RAB3C: variants seen among roughly 807,000 people sequenced by gnomAD.
RAB3C encodes the protein ras-related protein Rab-3C.
In RAB3C, 17 loss-of-function variants were observed where a neutral mutation model predicts 26.4. The ratio of observed to expected loss-of-function variants is 0.64; its 90% CI spans 0.44 to 0.97. RAB3C has a LOEUF of 0.97. Ranked by LOEUF, RAB3C falls within the 50% of genes least tolerant of loss-of-function variation. The probability of loss-of-function intolerance (pLI) is 0.00; values close to 1 mark genes in which losing one functional copy is unlikely to be tolerated. For synonymous variants in RAB3C, 91 were observed against 95.9 expected (o/e 0.95, Z 0.30); for missense variants, 242 against 281.9 (o/e 0.86, Z 1.01).
At chr5:58,659,610 CAGTT>C (rs897285097) in intron 2 of RAB3C, among the ~76,000 whole-genome samples, 5 of 152,154 alleles carry the variant, frequency 3.3e-5, no homozygotes, top group African/African-American at 1.2e-4. Context: ...ACCAAGAAAA[CAGTT>C]AGTTTTCTAC....
intron 3 of RAB3C, among the ~76,000 whole-genome samples, chr5:58,796,303 T>C (rs989584743): frequency 9.9e-5 from 15 of 152,218 alleles, no homozygotes; most frequent in Admixed American, 4.6e-4. Flanking sequence ...AAACACTATA[T>C]GTAGCATTAG....
chr5:58,813,361 G>A (rs1252476275), intron 3 of RAB3C, among the ~76,000 whole-genome samples: 1 of 151,842 alleles, frequency 6.6e-6, no homozygotes, highest in East Asian at 1.9e-4. Flanking sequence ...GTTTCAGAAG[G>A]TGTTCCTTGC....
intron 3 of RAB3C, among the ~76,000 whole-genome samples, chr5:58,757,551 T>C (rs905001046): frequency 7.9e-5 from 12 of 152,294 alleles, no homozygotes; most frequent in Admixed American, 7.9e-4. Context: ...GAATGTTGCA[T>C]AGGAGATGTT....
intron 4 of RAB3C, among the ~76,000 whole-genome samples, chr5:58,841,091 A>G (rs1255613491): frequency 1.3e-5 from 2 of 152,180 alleles, no homozygotes; most frequent in Admixed American, 1.3e-4. Context: ...TGGGTAGGCC[A>G]CAGCCATGTC....
intron 1 of RAB3C, among the ~76,000 whole-genome samples, chr5:58,612,540 A>G (rs1049960720): frequency 0.012 from 746 of 62,774 alleles, 7 homozygotes; most frequent in African/African-American, 0.024. Context: ...ATATATATAT[A>G]TATATATGTA....
At chr5:58,762,047 T>G (rs1741806694) in intron 3 of RAB3C, among the ~76,000 whole-genome samples, 1 of 138,894 alleles carries the variant, frequency 7.2e-6, no homozygotes, top group Non-Finnish European at 1.6e-5. Context: ...AGCAGCCACT[T>G]TTAGAAGCAA....
chr5:58,799,762 AG>A (rs1165860628), intron 3 of RAB3C, among the ~76,000 whole-genome samples: 2 of 152,278 alleles, frequency 1.3e-5, no homozygotes, highest in East Asian at 3.9e-4. Context: ...AAACTCTTGT[AG>A]CATGCTGGGA....
At chr5:58,670,377 C>T (rs1748090069) in intron 2 of RAB3C, among the ~76,000 whole-genome samples, 2 of 151,818 alleles carry the variant, frequency 1.3e-5, no homozygotes, top group Admixed American at 6.6e-5. Context: ...TGTGAAAGAA[C>T]ATAAGTGATT....
At chr5:58,837,879 T>C in intron 4 of RAB3C, among the ~76,000 whole-genome samples, 1 of 152,160 alleles carries the variant, frequency 6.6e-6, no homozygotes, top group East Asian at 1.9e-4. Context: ...CTTTGTTGGT[T>C]GTATGTGTGC....
At chr5:58,704,764 T>A (rs566288505) in intron 2 of RAB3C, among the ~76,000 whole-genome samples, 350 of 152,264 alleles carry the variant, frequency 2.3e-3, no homozygotes, top group African/African-American at 7.8e-3. Flanking sequence ...CTTTCTTTTT[T>A]AAAAAATTTC....
At chr5:58,587,659 A>C (rs551315242) in intron 1 of RAB3C, among the ~76,000 whole-genome samples, 174 of 152,336 alleles carry the variant, frequency 1.1e-3, no homozygotes, top group African/African-American at 3.9e-3. Context: ...TGTAACACAC[A>C]CCATTATAAA....
chr5:58,613,248 G>C (rs1156642), intron 1 of RAB3C, among the ~76,000 whole-genome samples: 114,966 of 151,970 alleles, frequency 0.76, 43,474 homozygotes, highest in South Asian at 0.84. Flanking sequence ...CCTACCTGGA[G>C]CAACAACACA....
intron 2 of RAB3C, among the ~76,000 whole-genome samples, chr5:58,721,721 G>A (rs542830948): frequency 6.6e-6 from 1 of 151,758 alleles, no homozygotes; most frequent in South Asian, 2.1e-4. Flanking sequence ...CTTGGTGTCT[G>A]TTTATTAGCT....
rs1224129487 is a variant in RAB3C, at chr5:58,760,946, A to G, written c.371+34826A>G. Among the ~76,000 whole-genome samples the G allele has an allele frequency of 9.9e-5, 15 of 152,250 alleles. No homozygotes were observed. In the South Asian group the frequency reaches 3.1e-3, roughly 32 times the overall value. On this transcript the variant is annotated intron_variant, in intron 3 of 4. Coordinates refer to ENST00000282878, the MANE Select transcript of RAB3C (RefSeq NM_138453.4). Reference sequence around the variant, plus strand: ...TTAAATAGATAACGAGCATCACTTAAACATTTTAATTTCCCAAAGGAAGAC... The same window carrying G: ...TTAAATAGATAACGAGCATCACTTAGACATTTTAATTTCCCAAAGGAAGAC...
At chr5:58,790,244 AAGTT>A (rs1216319685) in intron 3 of RAB3C, among the ~76,000 whole-genome samples, 3 of 152,184 alleles carry the variant, frequency 2.0e-5, no homozygotes, top group Non-Finnish European at 4.4e-5. Flanking sequence ...TTATTATTCT[AAGTT>A]AGTCATATTT....
chr5:58,721,866 G>T (rs1363969407), intron 2 of RAB3C, among the ~76,000 whole-genome samples: 1 of 151,560 alleles, frequency 6.6e-6, no homozygotes, highest in Admixed American at 6.6e-5. Context: ...TGTATTTCTG[G>T]GTTCAAATCA....
intron 2 of RAB3C, among the ~76,000 whole-genome samples, chr5:58,718,448 A>G (rs563801440): frequency 6.6e-6 from 1 of 152,164 alleles, no homozygotes; most frequent in African/African-American, 2.4e-5. Context: ...TAAAAAAGCT[A>G]TCTATGGCTT....
chr5:58,806,522 A>G (rs545850987), intron 3 of RAB3C, among the ~76,000 whole-genome samples: 43 of 152,324 alleles, frequency 2.8e-4, no homozygotes, highest in Non-Finnish European at 5.6e-4. Flanking sequence ...ATACGTGATT[A>G]TTTAAGAAAA....
intron 3 of RAB3C, among the ~76,000 whole-genome samples, chr5:58,743,542 C>T (rs1741325276): frequency 1.3e-5 from 2 of 152,088 alleles, no homozygotes; most frequent in African/African-American, 4.8e-5. Context: ...TGGTATTTGT[C>T]CTAATGCTCT....
Sources: gnomAD v4.1 joint callset for allele counts (sites outside exome capture counted in the v4.1 genomes callset) on GRCh38, gnomAD v4.1.1 for gene constraint, MANE v1.5 for transcripts, NCBI Gene and HGNC (gene_info 2026-07-23, HGNC 2026-07-21) for gene names.